IMMP2L: variants seen among roughly 807,000 people sequenced by gnomAD.
IMMP2L encodes the protein mitochondrial inner membrane protease subunit 2.
In IMMP2L, 18 loss-of-function variants were observed where a neutral mutation model predicts 19.3. The observed-to-expected ratio is 0.93, with a 90% CI of 0.64 to 1.38. IMMP2L has a LOEUF of 1.38. Ranked by LOEUF, IMMP2L falls within the 40% of genes most tolerant of loss-of-function variation. The pLI is 0.00. For missense variants in IMMP2L, 233 were observed against 218.2 expected (o/e 1.07, Z -0.43); for synonymous variants, 76 against 73.0 (o/e 1.04, Z -0.21).
At chr7:110,705,609 T>C (rs961636929) in intron 5 of IMMP2L, among the ~76,000 whole-genome samples, 4 of 152,126 alleles carry the variant, frequency 2.6e-5, no homozygotes, top group African/African-American at 7.2e-5. Flanking sequence ...ATTCAGGTGG[T>C]ACATATAAAT....
chr7:110,832,915 A>T (rs1804096837), intron 5 of IMMP2L, among the ~76,000 whole-genome samples: 1 of 152,202 alleles, frequency 6.6e-6, no homozygotes, highest in South Asian at 2.1e-4. Context: ...AGAAAGGATT[A>T]GGGCAGGTTT....
chr7:110,738,961 C>T (rs1489688381), intron 5 of IMMP2L, among the ~76,000 whole-genome samples: 1 of 152,142 alleles, frequency 6.6e-6, no homozygotes, highest in Non-Finnish European at 1.5e-5. Context: ...TCTAGTGAAA[C>T]TAAGCTTCAT....
intron 5 of IMMP2L, among the ~76,000 whole-genome samples, chr7:110,881,258 A>C (rs1381371001): frequency 6.6e-6 from 1 of 152,132 alleles, no homozygotes; most frequent in Non-Finnish European, 1.5e-5. Context: ...TATCTCCTTT[A>C]AGTGGCTTTG....
intron 3 of IMMP2L, among the ~76,000 whole-genome samples, chr7:111,093,103 C>T (rs1162101134): frequency 2.6e-5 from 4 of 152,088 alleles, no homozygotes; most frequent in Non-Finnish European, 5.9e-5. Flanking sequence ...TTCCAGTGAC[C>T]TTTGTAAATG....
intron 5 of IMMP2L, among the ~76,000 whole-genome samples, chr7:110,853,552 G>A (rs1035373582): frequency 1.3e-5 from 2 of 151,976 alleles, no homozygotes; most frequent in African/African-American, 4.8e-5. Flanking sequence ...TTTCTATAAT[G>A]TTAGTTACCT....
Position 110,662,765 on chromosome 7 carries a change from A to G in IMMP2L, c.*837T>C, listed in dbSNP as rs1791179319. 6.6e-6 allele frequency among the ~76,000 whole-genome samples: 1 copy of G among 152,246 alleles called. No individual in the cohort carries two copies. The highest frequency in any genetic ancestry group is 2.4e-5 in the African/African-American group (1 of 41,468). ...AATACTGAGAAATAATTAGGGGAAGAAAATCAAACGTGGCTGATCTGGACT... is the reference window on the plus strand; with the variant it reads ...AATACTGAGAAATAATTAGGGGAAGGAAATCAAACGTGGCTGATCTGGACT... On this transcript the variant is annotated 3_prime_UTR_variant, in exon 6 of 6. Coordinates refer to ENST00000405709, the MANE Select transcript of IMMP2L (RefSeq NM_032549.4).
At chr7:110,987,678 A>G (rs1391277777) in intron 3 of IMMP2L, among the ~76,000 whole-genome samples, 1 of 152,190 alleles carries the variant, frequency 6.6e-6, no homozygotes, top group Non-Finnish European at 1.5e-5. Context: ...TGCTCATATG[A>G]ACTGTACACT....
chr7:110,861,284 T>A (rs370640678), intron 5 of IMMP2L, among the ~76,000 whole-genome samples: 1 of 150,958 alleles, frequency 6.6e-6, no homozygotes, highest in South Asian at 2.1e-4. Flanking sequence ...ACGACAAACT[T>A]TTTTTTTTGG....
chr7:111,308,859 C>T (rs932102545), intron 3 of IMMP2L, among the ~76,000 whole-genome samples: 11 of 151,768 alleles, frequency 7.2e-5, no homozygotes, highest in Admixed American at 1.3e-4. Flanking sequence ...TTAAAATAAG[C>T]AAAGATTACA....
chr7:111,172,555 T>C (rs1365920896), intron 3 of IMMP2L, among the ~76,000 whole-genome samples: 10 of 151,576 alleles, frequency 6.6e-5, no homozygotes, highest in African/African-American at 2.4e-4. Flanking sequence ...CTGCTAATTA[T>C]AGTCACCCTA....
chr7:111,043,396 C>A (rs757078074), intron 3 of IMMP2L, among the ~76,000 whole-genome samples: 28 of 151,972 alleles, frequency 1.8e-4, no homozygotes, highest in Non-Finnish European at 3.2e-4. Context: ...TTCCTCTCAA[C>A]GTTAACATCT....
At position 111,393,457 on chromosome 7, in the gene IMMP2L, A is replaced by G. The variant is rs187923032; in HGVS notation, c.239+93781T>C. Among the ~76,000 whole-genome samples, 22 of 152,184 alleles carry G rather than the reference A, an allele frequency of 1.4e-4. No individual in the cohort carries two copies. The East Asian group carries it at 2.5e-3, about 17-fold the overall frequency. On this transcript the variant is annotated intron_variant, in intron 3 of 5. Transcript: ENST00000405709. ...CCTTCCTCAAGTTTTGCACCAAACAATGTGCAGAATTTAGAACACTGCATA... is the reference window on the plus strand; with the variant it reads ...CCTTCCTCAAGTTTTGCACCAAACAGTGTGCAGAATTTAGAACACTGCATA...
intron 3 of IMMP2L, among the ~76,000 whole-genome samples, chr7:111,106,239 G>A (rs1798534498): frequency 6.6e-6 from 1 of 151,778 alleles, no homozygotes; most frequent in Non-Finnish European, 1.5e-5. Context: ...CAAAGTACCT[G>A]GAACACTCAA....
At position 110,963,490 on chromosome 7, in the gene IMMP2L, A is replaced by C; in HGVS notation, c.305+10T>G. ...AAAACTTGAACTCAGAAACAACAGT[A>C]AATACTTACCTGACAATATCTCCTT... On this transcript the variant is annotated intron_variant, in intron 4 of 5. Transcript: ENST00000405709. 1 of 1,575,184 alleles carries C rather than the reference A, an allele frequency of 6.3e-7. No individual in the cohort carries two copies. The highest frequency in any genetic ancestry group is 8.7e-7 in the Non-Finnish European group (1 of 1,149,182).
At chr7:111,019,427 C>T (rs1826051703) in intron 3 of IMMP2L, among the ~76,000 whole-genome samples, 1 of 152,090 alleles carries the variant, frequency 6.6e-6, no homozygotes, top group South Asian at 2.1e-4. Context: ...AGGGAAACTG[C>T]AGTGGTTGAG....
intron 3 of IMMP2L, among the ~76,000 whole-genome samples, chr7:111,421,160 G>A (rs916050541): frequency 6.6e-6 from 1 of 151,624 alleles, no homozygotes; most frequent in Non-Finnish European, 1.5e-5. Flanking sequence ...GATGACCAGT[G>A]ATGATGACCA....
At chr7:111,095,443 A>T (rs1426279151) in intron 3 of IMMP2L, among the ~76,000 whole-genome samples, 1 of 152,016 alleles carries the variant, frequency 6.6e-6, no homozygotes, top group Admixed American at 6.6e-5. Context: ...ATTCACAGAT[A>T]TGTACAAAAA....
At chr7:111,551,687 C>T (rs764164279) in intron 1 of IMMP2L, among the ~76,000 whole-genome samples, 2 of 152,010 alleles carry the variant, frequency 1.3e-5, no homozygotes, top group Non-Finnish European at 2.9e-5. Flanking sequence ...GGATCCACCA[C>T]CACCATCACT....
intron 5 of IMMP2L, among the ~76,000 whole-genome samples, chr7:110,744,833 T>A (rs1438792225): frequency 6.6e-6 from 1 of 152,130 alleles, no homozygotes; most frequent in African/African-American, 2.4e-5. Context: ...AAAACCAGAA[T>A]GCTTCTTCTC....
Sources: allele counts gnomAD v4.1 joint callset (sites outside exome capture counted in the v4.1 genomes callset), GRCh38; gene constraint gnomAD v4.1.1; transcripts MANE v1.5; gene names NCBI Gene and HGNC (gene_info 2026-07-23, HGNC 2026-07-21).